Variants in TXNDC5 observed in about 807,000 individuals in gnomAD.
TXNDC5 encodes thioredoxin domain-containing protein 5.
TXNDC5 carries 44 observed loss-of-function variants against 52.6 expected under a neutral mutation model. That is an observed-to-expected ratio of 0.84 (90% CI 0.66 to 1.08). The LOEUF is 1.08. TXNDC5 is among the 50% of genes least tolerant of loss of function. The probability of loss-of-function intolerance (pLI) is 0.00; values close to 1 mark genes in which losing one functional copy is unlikely to be tolerated. For missense variants in TXNDC5, 600 were observed against 565.5 expected (o/e 1.06, Z -0.62); for synonymous variants, 241 against 234.4 (o/e 1.03, Z -0.26).
At chr6:7,885,226 C>T (rs143975379) in intron 8 of TXNDC5, among the ~76,000 whole-genome samples, 52 of 152,328 alleles carry the variant, frequency 3.4e-4, no homozygotes, top group Non-Finnish European at 6.0e-4. Context: ...AGAAAAGTGA[C>T]GCCTTTATCA....
At chr6:7,901,226 C>T (rs962037474) in intron 2 of TXNDC5, among the ~76,000 whole-genome samples, 5 of 152,176 alleles carry the variant, frequency 3.3e-5, no homozygotes, top group Admixed American at 1.3e-4. Flanking sequence ...GCAACATCTG[C>T]GGTATCAAAG....
chr6:7,895,862 G>A lies in TXNDC5; in HGVS notation c.520-660C>T, dbSNP rs186801175. ...ATTTTATTTACCTGAGCATGGTGAC[G>A]TGCGCCTGTGGTCCCAGCTACTTGG... On this transcript the variant is annotated intron_variant, in intron 3 of 9. Transcript: ENST00000379757. 3.7e-3 allele frequency among the ~76,000 whole-genome samples: 562 copies of A among 152,190 alleles called. 2 individuals are homozygous for A. Among genetic ancestry groups the A allele is most frequent in the African/African-American group, 0.013 (544 of 41,536 alleles).
chr6:7,890,092 G>A (rs1760139001), intron 5 of TXNDC5, among the ~76,000 whole-genome samples: 1 of 152,204 alleles, frequency 6.6e-6, no homozygotes, highest in Non-Finnish European at 1.5e-5. Context: ...CTGCAAAGAT[G>A]TCAAGATTAT....
At chr6:7,893,548 G>A (rs952572539) in intron 4 of TXNDC5, among the ~76,000 whole-genome samples, 4 of 152,206 alleles carry the variant, frequency 2.6e-5, no homozygotes, top group Admixed American at 1.3e-4. Context: ...TGCCGGAGTC[G>A]GTCTGTCCTG....
intron 1 of TXNDC5, among the ~76,000 whole-genome samples, chr6:7,906,552 A>AC (rs1760740256): frequency 1.3e-5 from 2 of 150,342 alleles, no homozygotes; most frequent in African/African-American, 2.5e-5. Flanking sequence ...AAAAAAAAAA[A>AC]AAAAAGAAAA....
At chr6:7,910,370 A>AGCCCCGC (rs1053852285) in intron 1 of TXNDC5, 144 bp downstream of exon 1, 28 of 974,832 alleles carry the variant, frequency 2.9e-5, no homozygotes, top group Non-Finnish European at 3.6e-5. Flanking sequence ...CTGAGCCCCG[A>AGCCCCGC]GCCCCGCGCC....
At chr6:7,886,728 ATG>A (rs1759996675) in intron 7 of TXNDC5, among the ~76,000 whole-genome samples, 1 of 150,600 alleles carries the variant, frequency 6.6e-6, no homozygotes, top group South Asian at 2.1e-4. Flanking sequence ...AATGACGTCT[ATG>A]TGTTTCTCCA....
rs1211531683 is a variant in TXNDC5, at chr6:7,890,458, G to T, written c.733-877C>A. Among the ~76,000 whole-genome samples, 4 of 152,164 alleles carry T rather than the reference G, an allele frequency of 2.6e-5. No homozygotes were observed. In the East Asian group the frequency reaches 7.7e-4, roughly 29 times the overall value. ...CATGTGCCAGGGATGAAGGGCTTCA[G>T]CGTGGTCACCTGGGCTTGTGTCTGC... On this transcript the variant is annotated intron_variant, in intron 5 of 9. Transcript: ENST00000379757.
intron 6 of TXNDC5, 48 bp downstream of exon 6, chr6:7,889,447 T>G: frequency 6.5e-7 from 1 of 1,542,978 alleles, no homozygotes; most frequent in Non-Finnish European, 8.9e-7. Context: ...CTCAGCCTGA[T>G]GGGGTTAAGA....
At chr6:7,900,897 C>T (rs1760543187) in intron 2 of TXNDC5, among the ~76,000 whole-genome samples, 1 of 152,150 alleles carries the variant, frequency 6.6e-6, no homozygotes, top group Non-Finnish European at 1.5e-5. Flanking sequence ...CCTCCTATTG[C>T]CAGCATTGGG....
intron 5 of TXNDC5, 135 bp from the exon 6 acceptor site, chr6:7,889,716 G>T: frequency 3.1e-6 from 2 of 650,876 alleles, no homozygotes; most frequent in Non-Finnish European, 5.2e-6. Context: ...CCAGCAAGGT[G>T]CAGTTTTTGA....
intron 7 of TXNDC5, among the ~76,000 whole-genome samples, chr6:7,887,518 G>C (rs988816550): frequency 6.6e-6 from 1 of 151,760 alleles, no homozygotes; most frequent in Non-Finnish European, 1.5e-5. Context: ...GCTGCACAGC[G>C]GCTGGACTCC....
intron 2 of TXNDC5, 145 bp from the exon 3 acceptor site, chr6:7,899,826 A>C: frequency 1.8e-6 from 1 of 560,412 alleles, no homozygotes; most frequent in East Asian, 3.1e-5. Context: ...AAAAGGAAAC[A>C]AACATAACGT....
chr6:7,894,310 G>A (rs1410456331), intron 4 of TXNDC5, among the ~76,000 whole-genome samples: 1 of 151,386 alleles, frequency 6.6e-6, no homozygotes, highest in Admixed American at 6.6e-5. Flanking sequence ...GTCTTGCTTA[G>A]GCTGATCTCG....
At chr6:7,905,581 T>G (rs758605964) in intron 1 of TXNDC5, among the ~76,000 whole-genome samples, 2 of 152,234 alleles carry the variant, frequency 1.3e-5, no homozygotes, top group Non-Finnish European at 2.9e-5. Flanking sequence ...TTCATGAGGA[T>G]ATCAGCATCT....
At chr6:7,904,108 A>G (rs1760659329) in intron 2 of TXNDC5, among the ~76,000 whole-genome samples, 2 of 152,190 alleles carry the variant, frequency 1.3e-5, no homozygotes, top group African/African-American at 4.8e-5. Context: ...TTCAATTTCT[A>G]TTTCTTATAA....
rs76119331 is a variant in TXNDC5 at position 7,886,570 on chromosome 6, C to G, written c.964-527G>C. ...GTTACAATAGCAAAGGCAATGATACCTGTTTTACATTGAACATAAAAATGG... is the reference window on the plus strand; with the variant it reads ...GTTACAATAGCAAAGGCAATGATACGTGTTTTACATTGAACATAAAAATGG... On this transcript the variant is annotated intron_variant, in intron 7 of 9. Coordinates refer to ENST00000379757, the MANE Select transcript of TXNDC5 (RefSeq NM_030810.5). Among the ~76,000 whole-genome samples the G allele has an allele frequency of 5.8e-3, 879 of 152,332 alleles. 13 individuals are homozygous for G. The highest frequency in any genetic ancestry group is 0.019 in the African/African-American group (784 of 41,576).
intron 7 of TXNDC5, 56 bp downstream of exon 7, chr6:7,888,648 TG>T: frequency 2.2e-6 from 3 of 1,394,522 alleles, no homozygotes; most frequent in African/African-American, 2.0e-5. Context: ...GGTGGGGAGG[TG>T]GGGGGCCGGG....
chr6:7,883,174 A>C lies in TXNDC5; in HGVS notation c.1269T>G (p.Phe423Leu), dbSNP rs1759828901. ...GGRDLDSLHR[F>L]VLSQAKDEL ...GTTCGTCTTTCGCTTGGCTCAGGACAAAGCGGTGTAACGAGTCAAGGTCTC... is the reference window on the plus strand; with the variant it reads ...GTTCGTCTTTCGCTTGGCTCAGGACCAAGCGGTGTAACGAGTCAAGGTCTC... The change falls in exon 10 of 10, where the codon TTT becomes TTG. Residue 423 changes from phenylalanine to leucine, a missense_variant. Coordinates refer to ENST00000379757, the MANE Select transcript of TXNDC5 (RefSeq NM_030810.5). The C allele has an allele frequency of 6.2e-7, 1 of 1,614,086 alleles. No homozygotes were observed. Among genetic ancestry groups the C allele is most frequent in the African/African-American group, 1.3e-5 (1 of 74,930 alleles).
Sources: gnomAD v4.1 joint callset for allele counts (sites outside exome capture counted in the v4.1 genomes callset) on GRCh38, gnomAD v4.1.1 for gene constraint, MANE v1.5 for transcripts, NCBI Gene and HGNC (gene_info 2026-07-23, HGNC 2026-07-21) for gene names.